The following ANO3 variants were observed in gnomAD, a reference collection of about 807,000 sequenced individuals.
ANO3 encodes anoctamin 3.
In ANO3, 99 loss-of-function variants were observed where a neutral mutation model predicts 144.8. That is an observed-to-expected ratio of 0.68 (90% CI 0.58 to 0.81). The LOEUF is 0.81. ANO3 is among the 30% of genes least tolerant of loss of function. The pLI is 0.00. For missense variants in ANO3, 905 were observed against 1,202.2 expected (o/e 0.75, Z 3.66); for synonymous variants, 414 against 392.6 (o/e 1.05, Z -0.64).
upstream of ANO3, among the ~76,000 whole-genome samples, chr11:26,328,604 T>C (rs1054265005): frequency 1.4e-4 from 21 of 152,132 alleles, no homozygotes; most frequent in African/African-American, 5.1e-4. Context: ...TCAGAGTTTC[T>C]TACCTCTCTG....
At chr11:26,585,104 C>A (rs1851239252) in intron 14 of ANO3, among the ~76,000 whole-genome samples, 1 of 152,174 alleles carries the variant, frequency 6.6e-6, no homozygotes, top group Non-Finnish European at 1.5e-5. Flanking sequence ...CTGACTCCAT[C>A]TCCAAACCAG....
chr11:26,541,109 T>C (rs1023829959), intron 10 of ANO3, among the ~76,000 whole-genome samples: 3 of 152,138 alleles, frequency 2.0e-5, no homozygotes, highest in African/African-American at 7.2e-5. Context: ...TGGAATACTA[T>C]GCAGCCATAA....
chr11:26,616,552 G>T (rs1258626080), intron 17 of ANO3, among the ~76,000 whole-genome samples: 1 of 151,862 alleles, frequency 6.6e-6, no homozygotes, highest in African/African-American at 2.4e-5. Flanking sequence ...GAAAATGAAG[G>T]AGCCAAATAT....
intron 3 of ANO3, among the ~76,000 whole-genome samples, chr11:26,447,154 C>G (rs2029712): frequency 0.64 from 92,509 of 143,754 alleles, 31,462 homozygotes; most frequent in Admixed American, 0.79. Flanking sequence ...CTACAGTGAG[C>G]TATGATCACA....
upstream of ANO3, among the ~76,000 whole-genome samples, chr11:26,309,039 T>C (rs151030827): frequency 3.9e-5 from 6 of 152,304 alleles, no homozygotes; most frequent in African/African-American, 1.4e-4. Context: ...CTAGGTAACA[T>C]TTCAGGATTG....
At chr11:26,336,286 A>G (rs1300325600) in intron 1 of ANO3, among the ~76,000 whole-genome samples, 2 of 152,192 alleles carry the variant, frequency 1.3e-5, no homozygotes, top group African/African-American at 2.4e-5. Flanking sequence ...AAGACTTTTC[A>G]TAGAACCATA....
upstream of ANO3, among the ~76,000 whole-genome samples, chr11:26,306,178 G>A (rs551987929): frequency 8.5e-3 from 1,174 of 137,904 alleles, 12 homozygotes; most frequent in African/African-American, 0.029. Context: ...GTTTCACCGT[G>A]TTAGCCAGGA....
intron 17 of ANO3, among the ~76,000 whole-genome samples, chr11:26,609,912 T>TATTC (rs1852045866): frequency 1.3e-5 from 2 of 152,156 alleles, no homozygotes; most frequent in African/African-American, 2.4e-5. Flanking sequence ...GTTTACTTTG[T>TATTC]ATTTATTTAT....
chr11:26,337,564 T>C (rs1034633995), intron 1 of ANO3, among the ~76,000 whole-genome samples: 2 of 152,188 alleles, frequency 1.3e-5, no homozygotes, highest in African/African-American at 4.8e-5. Flanking sequence ...TAAACCAATT[T>C]ATCAAAAGAT....
At chr11:26,341,845 T>C (rs1185044515) in intron 1 of ANO3, among the ~76,000 whole-genome samples, 1 of 152,130 alleles carries the variant, frequency 6.6e-6, no homozygotes, top group Non-Finnish European at 1.5e-5. Flanking sequence ...AGTCTGATGT[T>C]CCAGGACAGG....
chr11:26,529,388 T>A (rs1162573629), intron 7 of ANO3, among the ~76,000 whole-genome samples: 1 of 658 alleles, frequency 1.5e-3, no homozygotes. Flanking sequence ...TATTATATAT[T>A]ATTATATATT....
chr11:26,564,728 CACACAT>C (rs1850474571), intron 14 of ANO3, among the ~76,000 whole-genome samples: 19 of 36,160 alleles, frequency 5.3e-4, no homozygotes, highest in African/African-American at 8.9e-4. Context: ...CACACACACA[CACACAT>C]ATATATATAT....
At chr11:26,328,050 A>G (rs1381262870), upstream of ANO3, among the ~76,000 whole-genome samples, 1 of 152,174 alleles carries the variant, frequency 6.6e-6, no homozygotes, top group Non-Finnish European at 1.5e-5. Flanking sequence ...GCACTTGAGA[A>G]TTAATTTTTT....
At chr11:26,320,877 C>T (rs895700871) in intron 1 of ANO3, among the ~76,000 whole-genome samples, 2 of 152,026 alleles carry the variant, frequency 1.3e-5, no homozygotes, top group African/African-American at 4.8e-5. Context: ...TTGATTTAAT[C>T]TAATTTAGCT....
chr11:26,212,018 T>C (rs561596696), intron 1 of ANO3, among the ~76,000 whole-genome samples: 2 of 151,840 alleles, frequency 1.3e-5, no homozygotes, highest in East Asian at 1.9e-4. Flanking sequence ...TGAGAACACA[T>C]AGACACAGGG....
At chr11:26,415,841 A>G (rs117982439) in intron 1 of ANO3, among the ~76,000 whole-genome samples, 2,259 of 152,210 alleles carry the variant, frequency 0.015, 23 homozygotes, top group Non-Finnish European at 0.023. Context: ...TCAGTCTGTC[A>G]ATGTTAAATA....
Position 26,565,741 on chromosome 11 carries a change from T to A in ANO3, c.1447+5962T>A, listed in dbSNP as rs1226241683. On this transcript the variant is annotated intron_variant, in intron 14 of 26. Coordinates refer to ENST00000256737, the MANE Select transcript of ANO3 (RefSeq NM_031418.4). ...GAAATAGGTTTATTTTCCATTGTTT[T>A]AAAAACTTCTGCAATGTTCTGTGTT... 3 of 1,605,960 alleles carry A rather than the reference T, an allele frequency of 1.9e-6. No individual in the cohort carries two copies. In the African/African-American group the frequency reaches 4.0e-5, roughly 22 times the overall value.
At chr11:26,338,129 A>C (rs1428696946) in intron 1 of ANO3, among the ~76,000 whole-genome samples, 5 of 142,222 alleles carry the variant, frequency 3.5e-5, no homozygotes, top group South Asian at 2.3e-4. Context: ...AAAAAAAAAA[A>C]CAGCAAAAAC....
At chr11:26,380,169 C>T (rs181471027) in intron 1 of ANO3, among the ~76,000 whole-genome samples, 19 of 152,056 alleles carry the variant, frequency 1.2e-4, no homozygotes, top group South Asian at 4.2e-4. Flanking sequence ...GTGGGTACAT[C>T]TATTATTGGT....
Sources: gnomAD v4.1 joint callset for allele counts (sites outside exome capture counted in the v4.1 genomes callset) on GRCh38, gnomAD v4.1.1 for gene constraint, MANE v1.5 for transcripts, NCBI Gene and HGNC (gene_info 2026-07-23, HGNC 2026-07-21) for gene names.